The following FAM117B variants were observed in gnomAD, a reference collection of about 807,000 sequenced individuals.
The protein encoded by FAM117B is protein FAM117B.
A neutral mutation model predicts 52.8 loss-of-function variants in FAM117B; 22 were observed. That is an observed-to-expected ratio of 0.42 (90% CI 0.30 to 0.59). FAM117B has a LOEUF of 0.59. Ranked by LOEUF, FAM117B falls within the 20% of genes least tolerant of loss-of-function variation. FAM117B has a pLI of 0.22. For synonymous variants in FAM117B, 309 were observed against 324.1 expected (o/e 0.95, Z 0.50); for missense variants, 678 against 802.6 (o/e 0.84, Z 1.88).
At chr2:202,662,921 T>C (rs983143130) in intron 1 of FAM117B, among the ~76,000 whole-genome samples, 6 of 152,226 alleles carry the variant, frequency 3.9e-5, no homozygotes, top group Admixed American at 1.3e-4. Flanking sequence ...TATTATACAG[T>C]GTATTCATGC....
intron 4 of FAM117B, among the ~76,000 whole-genome samples, chr2:202,738,450 T>TA (rs1021545475): frequency 2.6e-5 from 4 of 152,076 alleles, no homozygotes; most frequent in South Asian, 2.1e-4. Context: ...GGAGAATTTA[T>TA]AAAAAAAGAA....
intron 4 of FAM117B, among the ~76,000 whole-genome samples, chr2:202,737,368 T>C (rs962470608): frequency 2.0e-5 from 3 of 152,220 alleles, no homozygotes; most frequent in African/African-American, 7.2e-5. Context: ...ATGTAGATTA[T>C]ACCACCACCA....
intron 2 of FAM117B, among the ~76,000 whole-genome samples, chr2:202,712,152 ATATC>A (rs1476693595): frequency 6.6e-6 from 1 of 152,074 alleles, no homozygotes; most frequent in African/African-American, 2.4e-5. Context: ...CATTTTAACA[ATATC>A]TATTCTTTTA....
intron 1 of FAM117B, among the ~76,000 whole-genome samples, chr2:202,690,972 C>T (rs182431232): frequency 3.8e-4 from 55 of 143,808 alleles, no homozygotes; most frequent in Non-Finnish European, 7.6e-4. Context: ...TTACAGGCTG[C>T]GACTTATTCT....
intron 2 of FAM117B, among the ~76,000 whole-genome samples, chr2:202,702,677 C>T (rs1278808992): frequency 2.6e-5 from 4 of 152,032 alleles, no homozygotes; most frequent in Non-Finnish European, 5.9e-5. Context: ...CCTCAGCCTC[C>T]TGGGTAGCTG....
chr2:202,718,700 G>A (rs916650618), intron 2 of FAM117B, among the ~76,000 whole-genome samples: 12 of 152,190 alleles, frequency 7.9e-5, no homozygotes, highest in African/African-American at 2.9e-4. Flanking sequence ...ATGTACTCCA[G>A]GTCTCAGTAA....
At chr2:202,665,041 A>C (rs1285673237) in intron 1 of FAM117B, among the ~76,000 whole-genome samples, 1 of 152,108 alleles carries the variant, frequency 6.6e-6, no homozygotes, top group East Asian at 1.9e-4. Context: ...TTCCAAACTC[A>C]TTCATGGAGT....
Position 202,715,341 on chromosome 2 carries a change from C to T in FAM117B, c.754-9576C>T, listed in dbSNP as rs1455690230. ...CCTCCCGGACGGGGTGGCTGCCGGG[C>T]GGAGACGCTCCTCACTTCCCAGACG... is the stretch of plus-strand genomic sequence containing the variant. On this transcript the variant is annotated intron_variant, in intron 2 of 7. Transcript: ENST00000392238. 5.3e-5 allele frequency among the ~76,000 whole-genome samples: 8 copies of T among 150,934 alleles called. No individual in the cohort carries two copies. The Middle Eastern group carries it at 0.014, about 258-fold the overall frequency.
At chr2:202,640,943 A>G (rs1689761398) in intron 1 of FAM117B, among the ~76,000 whole-genome samples, 1 of 152,142 alleles carries the variant, frequency 6.6e-6, no homozygotes, top group Non-Finnish European at 1.5e-5. Flanking sequence ...TGATGTCTAT[A>G]TTTTGCAATG....
intron 1 of FAM117B, among the ~76,000 whole-genome samples, chr2:202,665,722 T>A (rs1011299211): frequency 3.3e-5 from 5 of 152,198 alleles, no homozygotes; most frequent in African/African-American, 1.2e-4. Flanking sequence ...TGCCTCAGCC[T>A]CCTGAGTAGC....
chr2:202,662,842 CAAAAGAAGAAGAAG>C (rs1258688782), intron 1 of FAM117B, among the ~76,000 whole-genome samples: 1 of 151,518 alleles, frequency 6.6e-6, no homozygotes, highest in African/African-American at 2.4e-5. Context: ...GACTCCATCT[CAAAAGAAGAAGAAG>C]AAAAAAAGAA....
At chr2:202,729,941 T>C (rs1691313406) in intron 4 of FAM117B, among the ~76,000 whole-genome samples, 1 of 152,250 alleles carries the variant, frequency 6.6e-6, no homozygotes, top group Admixed American at 6.5e-5. Flanking sequence ...ATAGAACGAA[T>C]TGGGAAGAGA....
At chr2:202,673,557 C>T (rs1690334797) in intron 1 of FAM117B, among the ~76,000 whole-genome samples, 1 of 146,170 alleles carries the variant, frequency 6.8e-6, no homozygotes, top group African/African-American at 2.5e-5. Context: ...AAGCGATTCT[C>T]CTGCCTCAGC....
intron 1 of FAM117B, among the ~76,000 whole-genome samples, chr2:202,647,530 T>C (rs1388329026): frequency 6.6e-6 from 1 of 152,230 alleles, no homozygotes; most frequent in Non-Finnish European, 1.5e-5. Context: ...TCTTTGATCT[T>C]GATGCTTGTT....
At chr2:202,706,303 T>A (rs765469922) in intron 2 of FAM117B, among the ~76,000 whole-genome samples, 15 of 152,216 alleles carry the variant, frequency 9.9e-5, no homozygotes, top group African/African-American at 1.7e-4. Flanking sequence ...GCTATTTTTT[T>A]AAAAACCCTC....
In FAM117B at chr2:202,767,719, C is replaced by G. The variant is rs1040670218; in HGVS notation, c.*1955C>G. On this transcript the variant is annotated 3_prime_UTR_variant, in exon 8 of 8. Transcript: ENST00000392238. ...GAAAGGACTTCTTATACTCATGTAC[C>G]TTTAAAACATCTAAGCAATTTAAAA... 2 of 152,138 alleles carry G rather than the reference C, an allele frequency of 1.3e-5. No homozygotes were observed. The highest frequency in any genetic ancestry group is 4.8e-5 in the African/African-American group (2 of 41,426). 9.4% of individuals were successfully genotyped at this position (152,138 alleles called of 1,614,324 possible).
At chr2:202,731,332 A>AATATATATATATATAT (rs35255766) in intron 4 of FAM117B, among the ~76,000 whole-genome samples, 592 of 30,596 alleles carry the variant, frequency 0.019, 44 homozygotes, top group Non-Finnish European at 0.038. Context: ...GAGAAATTGG[A>AATATATATATATATAT]ATATATATAT....
chr2:202,726,670 A>G (rs1691250277), intron 4 of FAM117B, among the ~76,000 whole-genome samples: 2 of 152,158 alleles, frequency 1.3e-5, no homozygotes, highest in South Asian at 2.1e-4. Context: ...AGCATTGGGT[A>G]TGGAACAGGC....
At chr2:202,643,341 A>G (rs945247475) in intron 1 of FAM117B, among the ~76,000 whole-genome samples, 1 of 152,182 alleles carries the variant, frequency 6.6e-6, no homozygotes, top group African/African-American at 2.4e-5. Flanking sequence ...GATCCAGTAC[A>G]TGGTAGAGTC....
Sources: allele counts gnomAD v4.1 joint callset (sites outside exome capture counted in the v4.1 genomes callset), GRCh38; gene constraint gnomAD v4.1.1; transcripts MANE v1.5; gene names NCBI Gene and HGNC (gene_info 2026-07-23, HGNC 2026-07-21).